ADGRV1: variants seen among roughly 807,000 people sequenced by gnomAD.
ADGRV1 encodes the protein adhesion G protein-coupled receptor V1.
A neutral mutation model predicts 596.2 loss-of-function variants in ADGRV1; 359 were observed. That is an observed-to-expected ratio of 0.60 (90% CI 0.55 to 0.66). The LOEUF (loss-of-function observed/expected upper bound fraction) is 0.66, where lower values mean the gene tolerates loss of function less well. ADGRV1 is among the 30% of genes least tolerant of loss of function. The probability of loss-of-function intolerance (pLI) is 0.00; values close to 1 mark genes in which losing one functional copy is unlikely to be tolerated. For missense variants in ADGRV1, 7,274 were observed against 7,575.6 expected (o/e 0.96, Z 1.48); for synonymous variants, 2,681 against 2,679.2 (o/e 1.00, Z -0.02).
chr5:91,143,161 T>C (rs1266465091), intron 87 of ADGRV1, among the ~76,000 whole-genome samples: 1 of 152,104 alleles, frequency 6.6e-6, no homozygotes, highest in Non-Finnish European at 1.5e-5. Flanking sequence ...GGGGACACAG[T>C]CATGCCCAGA....
intron 52 of ADGRV1, among the ~76,000 whole-genome samples, chr5:90,746,546 G>T (rs1426595412): frequency 2.0e-5 from 3 of 152,178 alleles, no homozygotes; most frequent in Non-Finnish European, 4.4e-5. Flanking sequence ...CTCAGAGAAA[G>T]TGAGCTTCGG....
intron 59 of ADGRV1, among the ~76,000 whole-genome samples, chr5:90,771,516 T>C (rs1434805687): frequency 6.6e-6 from 1 of 152,136 alleles, no homozygotes; most frequent in African/African-American, 2.4e-5. Flanking sequence ...CAACTGTAAT[T>C]TAGAAACATT....
intron 83 of ADGRV1, among the ~76,000 whole-genome samples, chr5:90,949,303 G>A (rs78066624): frequency 0.013 from 2,024 of 152,220 alleles, 54 homozygotes; most frequent in African/African-American, 0.046. Context: ...ATATGGGTCT[G>A]TGTGTAAACT....
chr5:91,025,100 A>T (rs1258020040), intron 85 of ADGRV1, among the ~76,000 whole-genome samples: 1 of 152,152 alleles, frequency 6.6e-6, no homozygotes, highest in Non-Finnish European at 1.5e-5. Context: ...CCATCATCAC[A>T]AAAGACCTGC....
chr5:90,774,345 T>G, intron 60 of ADGRV1, 42 bp downstream of exon 60: 1 of 1,121,582 alleles, frequency 8.9e-7, no homozygotes, highest in Non-Finnish European at 1.3e-6. Context: ...AAGTAAATTC[T>G]CAGAAAAAAT....
intron 85 of ADGRV1, among the ~76,000 whole-genome samples, chr5:91,026,089 C>G (rs1023371757): frequency 6.6e-6 from 1 of 152,104 alleles, no homozygotes; most frequent in African/African-American, 2.4e-5. Context: ...AAATTACATA[C>G]AATTAATACA....
intron 1 of ADGRV1, among the ~76,000 whole-genome samples, chr5:90,607,984 T>C (rs1004813485): frequency 6.6e-6 from 1 of 152,128 alleles, no homozygotes; most frequent in African/African-American, 2.4e-5. Context: ...TTTTCTAAGA[T>C]ACTTTACAAA....
chr5:90,863,433 A>G (rs1293734646), intron 82 of ADGRV1, among the ~76,000 whole-genome samples: 1 of 152,224 alleles, frequency 6.6e-6, no homozygotes, highest in East Asian at 1.9e-4. Flanking sequence ...TTCATAACTA[A>G]CACTATTGTA....
At chr5:90,797,512 C>T (rs534263213) in intron 70 of ADGRV1, among the ~76,000 whole-genome samples, 2 of 152,066 alleles carry the variant, frequency 1.3e-5, no homozygotes, top group Admixed American at 6.5e-5. Context: ...ACTTAGACTC[C>T]CACACAATAA....
chr5:90,714,156 CT>C (rs2149731841), intron 42 of ADGRV1, among the ~76,000 whole-genome samples: 1 of 152,056 alleles, frequency 6.6e-6, no homozygotes, highest in East Asian at 1.9e-4. Flanking sequence ...CCAGCAATTT[CT>C]TTAGTCTTTA....
rs1299508013 is a variant in ADGRV1, at chr5:90,756,712, C to T, written c.11757+82C>T. 6 of 1,169,908 alleles carry T rather than the reference C, an allele frequency of 5.1e-6. No homozygotes were observed. In the Admixed American group the frequency reaches 7.9e-5, roughly 15 times the overall value. The allele number at this position is 1,169,908 out of a possible 1,614,324, so 72.5% of individuals were successfully genotyped here. ...GCCAGTGTTTTATGTTTAGCTTTGCCTGTATTTATTTTTAAATAGATAAAT... is the reference window on the plus strand; with the variant it reads ...GCCAGTGTTTTATGTTTAGCTTTGCTTGTATTTATTTTTAAATAGATAAAT... On this transcript the variant is annotated intron_variant, in intron 56 of 89. Transcript: ENST00000405460.
chr5:90,748,002 A>G (rs189738108), intron 52 of ADGRV1, among the ~76,000 whole-genome samples: 25 of 152,352 alleles, frequency 1.6e-4, no homozygotes, highest in African/African-American at 5.5e-4. Context: ...CTCTGACCAT[A>G]GTATAGAGAA....
At chr5:90,954,028 A>G (rs1777265381) in intron 83 of ADGRV1, among the ~76,000 whole-genome samples, 1 of 152,080 alleles carries the variant, frequency 6.6e-6, no homozygotes, top group Non-Finnish European at 1.5e-5. Context: ...ATTAAAAAGG[A>G]CTTTCTATAT....
At chr5:90,734,408 C>T (rs1752949170) in intron 50 of ADGRV1, among the ~76,000 whole-genome samples, 1 of 152,088 alleles carries the variant, frequency 6.6e-6, no homozygotes, top group Non-Finnish European at 1.5e-5. Context: ...TCCTTTTCTC[C>T]TCTTCTTCAA....
At chr5:90,929,210 G>GGCGGGCGCCCCTCCCCCAGCCTC (rs1774929300) in intron 83 of ADGRV1, 1 of 160,518 alleles carries the variant, frequency 6.2e-6, no homozygotes, top group Non-Finnish European at 1.3e-5. Flanking sequence ...CCTGGGCAAT[G>GGCGGGCGCCCCTCCCCCAGCCTC]GCGGGCGCCC....
At chr5:91,044,167 A>G (rs1404376219) in intron 85 of ADGRV1, among the ~76,000 whole-genome samples, 2 of 152,180 alleles carry the variant, frequency 1.3e-5, no homozygotes, top group Admixed American at 6.6e-5. Context: ...CACAATTACT[A>G]CAAGATAAAT....
intron 87 of ADGRV1, among the ~76,000 whole-genome samples, chr5:91,126,917 GTTTTTGATTT>G (rs925251729): frequency 1.3e-5 from 2 of 152,142 alleles, no homozygotes; most frequent in Non-Finnish European, 2.9e-5. Context: ...ATATTATAAA[GTTTTTGATTT>G]TCTAACATCT....
Position 91,058,044 on chromosome 5 carries a change from A to G in ADGRV1, c.18153-14403A>G, listed in dbSNP as rs184430374. Among the ~76,000 whole-genome samples, 310 of 152,326 alleles carry G rather than the reference A, an allele frequency of 2.0e-3. 5 individuals carry two copies. The highest frequency in any genetic ancestry group is 0.019 in the Admixed American group (286 of 15,298). ...ATAAAATGTTTCAGACATTTGCTTA[A>G]CAAGGGATTTTAGATTATTTGCAGA... On this transcript the variant is annotated intron_variant, in intron 85 of 89. Coordinates refer to ENST00000405460, the MANE Select transcript of ADGRV1 (RefSeq NM_032119.4).
chr5:90,695,749 G>A (rs1033934266), intron 33 of ADGRV1, among the ~76,000 whole-genome samples: 2 of 151,764 alleles, frequency 1.3e-5, no homozygotes, highest in African/African-American at 2.4e-5. Flanking sequence ...TTTTATTATG[G>A]TTATTTTCTA....
Sources: gnomAD v4.1 joint callset for allele counts (sites outside exome capture counted in the v4.1 genomes callset) on GRCh38, gnomAD v4.1.1 for gene constraint, MANE v1.5 for transcripts, NCBI Gene and HGNC (gene_info 2026-07-23, HGNC 2026-07-21) for gene names.